The following GPHN variants were observed in gnomAD, a reference collection of about 807,000 sequenced individuals.
GPHN encodes gephyrin.
GPHN carries 17 observed loss-of-function variants against 95.5 expected under a neutral mutation model. That is an observed-to-expected ratio of 0.18 (90% CI 0.12 to 0.27). The LOEUF is 0.27. GPHN is among the 10% of genes least tolerant of loss of function. The pLI is 1.00. For synonymous variants in GPHN, 320 were observed against 322.5 expected (o/e 0.99, Z 0.08); for missense variants, 660 against 978.1 (o/e 0.67, Z 4.34).
chr14:66,761,608 C>T (rs1181030794), intron 2 of GPHN, among the ~76,000 whole-genome samples: 1 of 151,518 alleles, frequency 6.6e-6, no homozygotes, highest in Non-Finnish European at 1.5e-5. Flanking sequence ...ATAATCTTTG[C>T]CTGGAGTGAC....
chr14:67,205,239 T>A, the GPHN span: 1 of 773,654 alleles, frequency 1.3e-6, no homozygotes, highest in Non-Finnish European at 2.0e-6. Context: ...AGATTAAATC[T>A]CTGAACCCTG....
At chr14:67,299,857 T>G in the GPHN span, among the ~76,000 whole-genome samples, 1 of 152,216 alleles carries the variant, frequency 6.6e-6, no homozygotes, top group Non-Finnish European at 1.5e-5. Flanking sequence ...TGTATACCCT[T>G]GGTACATTTT....
the GPHN span, among the ~76,000 whole-genome samples, chr14:67,207,737 T>A: frequency 6.6e-5 from 10 of 151,980 alleles, no homozygotes; most frequent in African/African-American, 2.2e-4. Context: ...GAGGGGGGGA[T>A]TTTAGAGTAT....
chr14:67,562,170 T>G, the GPHN span: 2 of 1,611,332 alleles, frequency 1.2e-6, no homozygotes, highest in Middle Eastern at 1.7e-4. Context: ...AAGCTGCTGG[T>G]GCCCCCCTAC....
chr14:67,513,757 G>C, the GPHN span, among the ~76,000 whole-genome samples: 1 of 152,164 alleles, frequency 6.6e-6, no homozygotes, highest in African/African-American at 2.4e-5. Context: ...GTCTCACAGG[G>C]AAGCAGATGT....
chr14:67,599,971 C>G, the GPHN span: 10 of 1,470,368 alleles, frequency 6.8e-6, no homozygotes, highest in Non-Finnish European at 9.1e-6. Context: ...CAAAGACCCT[C>G]CCAAAGCCGA....
At chr14:66,873,579 A>G (rs2063530489) in intron 4 of GPHN, among the ~76,000 whole-genome samples, 1 of 152,076 alleles carries the variant, frequency 6.6e-6, no homozygotes, top group African/African-American at 2.4e-5. Context: ...TGGTGTGGGG[A>G]GGGGGCGTCC....
the GPHN span, among the ~76,000 whole-genome samples, chr14:67,595,113 G>A: frequency 3.2e-4 from 48 of 151,484 alleles, no homozygotes; most frequent in Non-Finnish European, 3.7e-4. Context: ...CTCCAGCCTG[G>A]GTGACAGAGC....
At chr14:67,343,847 C>A in the GPHN span, among the ~76,000 whole-genome samples, 1 of 152,186 alleles carries the variant, frequency 6.6e-6, no homozygotes, top group African/African-American at 2.4e-5. Flanking sequence ...CAGAGTAAGA[C>A]CCTGTCTCTT....
the GPHN span, among the ~76,000 whole-genome samples, chr14:67,475,066 C>T: frequency 1.3e-5 from 2 of 152,072 alleles, no homozygotes; most frequent in African/African-American, 4.8e-5. Flanking sequence ...CAGGCACACA[C>T]CATCATGCCC....
intron 2 of GPHN, among the ~76,000 whole-genome samples, chr14:66,691,405 G>A (rs2067770369): frequency 6.6e-6 from 1 of 151,834 alleles, no homozygotes; most frequent in South Asian, 2.1e-4. Flanking sequence ...GGATGGTCTC[G>A]ATCTCCTGAC....
chr14:67,473,795 C>G, the GPHN span: 3 of 1,613,954 alleles, frequency 1.9e-6, no homozygotes, highest in African/African-American at 1.3e-5. This position sits in a 1 kb window ranked among gnomAD's most constrained non-coding sequence, Gnocchi z 6.5. Context: ...CGCTCGTGAC[C>G]CCAGGGAACT....
At chr14:67,316,237 A>G in the GPHN span, among the ~76,000 whole-genome samples, 1 of 152,188 alleles carries the variant, frequency 6.6e-6, no homozygotes. Flanking sequence ...GAACCTTGAA[A>G]GCCTCCTATA....
chr14:66,519,426 A>G (rs1379413), intron 1 of GPHN, among the ~76,000 whole-genome samples: 49,832 of 151,950 alleles, frequency 0.33, 12,005 homozygotes, highest in African/African-American at 0.66. Flanking sequence ...GGCCCTAACT[A>G]ACCAGTGTTT....
intron 1 of GPHN, among the ~76,000 whole-genome samples, chr14:66,545,329 A>G (rs1290812409): frequency 1.4e-4 from 13 of 93,572 alleles, no homozygotes; most frequent in African/African-American, 1.6e-4. Context: ...CTGGCCGGGC[A>G]GGGGGCTGAC....
intron 1 of GPHN, among the ~76,000 whole-genome samples, chr14:66,633,118 A>T (rs944117556): frequency 5.3e-5 from 8 of 152,150 alleles, no homozygotes; most frequent in African/African-American, 1.9e-4. Flanking sequence ...ATTAAATTTA[A>T]TCATATACTG....
At chr14:66,726,169 T>C (rs1332490463) in intron 2 of GPHN, among the ~76,000 whole-genome samples, 3 of 152,216 alleles carry the variant, frequency 2.0e-5, no homozygotes, top group African/African-American at 7.2e-5. Flanking sequence ...ATATGCCTTA[T>C]CTACTCCCGT....
intron 9 of GPHN, among the ~76,000 whole-genome samples, chr14:66,987,082 G>A (rs1172462338): frequency 6.6e-6 from 1 of 152,090 alleles, no homozygotes; most frequent in Non-Finnish European, 1.5e-5. Context: ...AGTGTTAATA[G>A]TGTGCCTATT....
intron 1 of GPHN, among the ~76,000 whole-genome samples, chr14:66,582,876 T>A (rs2061250866): frequency 6.6e-6 from 1 of 152,180 alleles, no homozygotes; most frequent in African/African-American, 2.4e-5. Flanking sequence ...GCAGCATGAT[T>A]TATAATCCTT....
Sources: gnomAD v4.1 joint callset for allele counts (sites outside exome capture counted in the v4.1 genomes callset) on GRCh38, gnomAD v4.1.1 for gene constraint, Gnocchi (gnomAD v3.1) non-coding constraint, MANE v1.5 for transcripts, NCBI Gene and HGNC (gene_info 2026-07-23, HGNC 2026-07-21) for gene names.